Variants in ZNF730 observed in about 807,000 individuals in gnomAD.
ZNF730 encodes zinc finger protein 730, also known as putative zinc finger protein 730.
In ZNF730, 12 loss-of-function variants were observed where a neutral mutation model predicts 12.6. The ratio of observed to expected loss-of-function variants is 0.95; its 90% CI spans 0.61 to 1.54. The LOEUF is 1.54. ZNF730 is among the 40% of genes most tolerant of loss of function. The probability of loss-of-function intolerance (pLI) is 0.00; values close to 1 mark genes in which losing one functional copy is unlikely to be tolerated. For synonymous variants in ZNF730, 194 were observed against 195.8 expected (o/e 0.99, Z 0.08); for missense variants, 643 against 583.5 (o/e 1.10, Z -1.05).
At chr19:23,124,192 C>G (rs180833468) in intron 1 of ZNF730, 1 of 152,094 alleles carries the variant, frequency 6.6e-6, no homozygotes, top group African/African-American at 2.4e-5. Context: ...AGTTGGTAGG[C>G]GTAAAGAGAG....
intron 1 of ZNF730, among the ~76,000 whole-genome samples, chr19:23,084,541 T>C (rs1344586959): frequency 1.3e-5 from 2 of 152,180 alleles, no homozygotes; most frequent in African/African-American, 4.8e-5. Context: ...TAAACATGTG[T>C]CATATGGGTT....
At chr19:23,141,826 G>C (rs866589782) in intron 3 of ZNF730, among the ~76,000 whole-genome samples, 2 of 152,040 alleles carry the variant, frequency 1.3e-5, no homozygotes, top group Non-Finnish European at 1.5e-5. Context: ...TAAGGTTATT[G>C]ATGGGTGCCC....
In ZNF730 at chr19:23,145,893, C is replaced by T. The variant is rs1387754995; in HGVS notation, c.849C>T (p.Pro283=). The change falls in exon 4 of 4, where the codon CCC becomes CCT. Residue 283 remains proline (P), a synonymous_variant. Transcript: ENST00000597761. The part of the protein sequence containing the change: ...THKRIHTGEK[P]YKCEECGKAF... ...AAAGAATTCATACTGGAGAGAAACC[C>T]TATAAATGTGAAGAATGTGGCAAAG... 6.2e-7 allele frequency: 1 copy of T among 1,610,518 alleles called. No homozygotes were observed. Among genetic ancestry groups the T allele is most frequent in the Non-Finnish European group, 8.5e-7 (1 of 1,179,450 alleles).
At chr19:23,097,788 T>G (rs546326721) in intron 1 of ZNF730, among the ~76,000 whole-genome samples, 1 of 152,262 alleles carries the variant, frequency 6.6e-6, no homozygotes, top group Admixed American at 6.5e-5. Flanking sequence ...CTGTGACATA[T>G]TGCTTGACTC....
intron 1 of ZNF730, among the ~76,000 whole-genome samples, chr19:23,085,471 T>TA (rs1970042789): frequency 6.7e-6 from 1 of 148,788 alleles, no homozygotes; most frequent in Admixed American, 6.7e-5. Flanking sequence ...GTGCTGGGAT[T>TA]ACAGGCATGA....
chr19:23,104,686 G>A (rs1362644899), intron 1 of ZNF730, among the ~76,000 whole-genome samples: 2 of 152,158 alleles, frequency 1.3e-5, no homozygotes, highest in African/African-American at 2.4e-5. Flanking sequence ...GAAACTGTTT[G>A]TTTGTTTGTT....
At chr19:23,110,912 C>T (rs925662208) in intron 1 of ZNF730, among the ~76,000 whole-genome samples, 3 of 152,196 alleles carry the variant, frequency 2.0e-5, no homozygotes, top group Admixed American at 2.0e-4. Flanking sequence ...TTTGAATGAA[C>T]TCTGTGGCCT....
chr19:23,131,667 A>G (rs893369115), intron 1 of ZNF730, among the ~76,000 whole-genome samples: 2 of 152,210 alleles, frequency 1.3e-5, no homozygotes. Flanking sequence ...TGCTTGCTCT[A>G]ACTAATGCTA....
chr19:23,107,471 A>AAAAAAAAG (rs1970408586), intron 1 of ZNF730, among the ~76,000 whole-genome samples: 1 of 149,876 alleles, frequency 6.7e-6, no homozygotes, highest in East Asian at 1.9e-4. Context: ...AAAAAAAAAA[A>AAAAAAAAG]AAAACCACCA....
chr19:23,114,309 T>C (rs937158124), upstream of ZNF730, among the ~76,000 whole-genome samples: 7 of 78,414 alleles, frequency 8.9e-5, 1 homozygote, highest in South Asian at 4.0e-4. Flanking sequence ...TCTTTTCTTT[T>C]TTTTTTTTTT....
chr19:23,111,519 G>A (rs1319680069), intron 1 of ZNF730, among the ~76,000 whole-genome samples: 1 of 152,088 alleles, frequency 6.6e-6, no homozygotes, highest in Non-Finnish European at 1.5e-5. Flanking sequence ...GGCTGAGGTG[G>A]GTGGAACACT....
rs1971017555 is a variant in ZNF730, at chr19:23,146,577, A to G, written c.*21A>G. ...CATAAAATTGTAAAGACTGTGGCAA[A>G]GCTTTTAAACAATCTTTATACCTTA... On this transcript the variant is annotated 3_prime_UTR_variant, in exon 4 of 4. Transcript: ENST00000597761. 2 of 1,590,828 alleles carry G rather than the reference A, an allele frequency of 1.3e-6. No homozygotes were observed. The highest frequency in any genetic ancestry group is 1.7e-6 in the Non-Finnish European group (2 of 1,169,428).
chr19:23,104,196 G>T (rs553157978), intron 1 of ZNF730, among the ~76,000 whole-genome samples: 13 of 151,866 alleles, frequency 8.6e-5, no homozygotes, highest in African/African-American at 2.4e-4. Context: ...CAGCTACTCG[G>T]GAGGCTGAGG....
intron 2 of ZNF730, 83 bp downstream of exon 2, chr19:23,134,289 CGG>C: frequency 8.1e-7 from 1 of 1,231,400 alleles, no homozygotes. Context: ...TTTCAGATCC[CGG>C]GTTTTTTTCT....
At chr19:23,075,749 T>C (rs1376575858) in intron 1 of ZNF730, among the ~76,000 whole-genome samples, 1 of 152,068 alleles carries the variant, frequency 6.6e-6, no homozygotes, top group East Asian at 1.9e-4. Flanking sequence ...TATTTTTTTT[T>C]TCTTTTCTTT....
chr19:23,112,710 G>A (rs1282951153), upstream of ZNF730, among the ~76,000 whole-genome samples: 2 of 149,744 alleles, frequency 1.3e-5, no homozygotes, highest in South Asian at 2.1e-4. Flanking sequence ...GCTACAGAGC[G>A]AGACTTCGTC....
At chr19:23,114,776 T>C (rs1970498789), upstream of ZNF730, among the ~76,000 whole-genome samples, 1 of 152,148 alleles carries the variant, frequency 6.6e-6, no homozygotes, top group African/African-American at 2.4e-5. Context: ...CTATGTCCTT[T>C]CAAAATGTTT....
At position 23,105,118 on chromosome 19, in the gene ZNF730, CTTTTTTTT is replaced by C. The variant is rs1007819236; in HGVS notation, c.-93-28951_-93-28944del. On this transcript the variant is annotated intron_variant, in intron 1 of 2. Coordinates refer to the ZNF730 transcript ENST00000593635. ...CAGTCCTGTTATGATTTTTTCTTTT[CTTTTTTTT>C]TTTTTTTTTTAGATGGAGTCTCGCT... Among the ~76,000 whole-genome samples the C allele has an allele frequency of 2.2e-3, 189 of 87,728 alleles. 1 individual carries two copies. The highest frequency in any genetic ancestry group is 5.5e-3 in the African/African-American group (178 of 32,156). 57.6% of individuals were successfully genotyped at this position (87,728 alleles called of 152,430 possible). A position where few individuals can be genotyped will look rare whatever the true frequency, so the allele number is the denominator to read the frequency against.
intron 1 of ZNF730, among the ~76,000 whole-genome samples, chr19:23,080,580 G>T (rs902761883): frequency 3.9e-5 from 6 of 151,946 alleles, no homozygotes; most frequent in East Asian, 1.9e-4. Flanking sequence ...TCAGCATGTT[G>T]CCCAGGCTGG....
Sources: gnomAD v4.1 joint callset for allele counts (sites outside exome capture counted in the v4.1 genomes callset) on GRCh38, gnomAD v4.1.1 for gene constraint, MANE v1.5 for transcripts, NCBI Gene and HGNC (gene_info 2026-07-23, HGNC 2026-07-21) for gene names.